The following CTNNA3 variants were observed in gnomAD, a reference collection of about 807,000 sequenced individuals.
The protein encoded by CTNNA3 is catenin alpha-3.
CTNNA3 carries 76 observed loss-of-function variants against 95.7 expected under a neutral mutation model. The ratio of observed to expected loss-of-function variants is 0.79; its 90% confidence interval spans 0.66 to 0.96. The LOEUF is 0.96. Among genes scored for constraint, CTNNA3 ranks in the 40% least tolerant of loss-of-function variants. CTNNA3 has a pLI of 0.00. For synonymous variants in CTNNA3, 431 were observed against 374.4 expected (o/e 1.15, Z -1.74); for missense variants, 1,191 against 1,089.8 (o/e 1.09, Z -1.31).
chr10:66,775,545 C>T, intron 7 of CTNNA3, 21 bp from the exon 8 acceptor site: 1 of 1,530,928 alleles, frequency 6.5e-7, no homozygotes, highest in Non-Finnish European at 9.0e-7. Flanking sequence ...GAAAAAACGA[C>T]ATAAGCAATG....
intron 11 of CTNNA3, among the ~76,000 whole-genome samples, chr10:66,380,150 T>C (rs2092825741): frequency 6.6e-6 from 1 of 152,070 alleles, no homozygotes; most frequent in African/African-American, 2.4e-5. Context: ...TATCATTAAT[T>C]CTCTTTCTCT....
intron 5 of CTNNA3, among the ~76,000 whole-genome samples, chr10:67,487,418 C>T (rs1019628710): frequency 1.2e-4 from 18 of 152,212 alleles, no homozygotes; most frequent in East Asian, 3.9e-4. Flanking sequence ...AGAGTGTGTA[C>T]GTGTGTGTCC....
At chr10:67,737,924 T>C (rs1480137716) in intron 1 of CTNNA3, among the ~76,000 whole-genome samples, 1 of 152,166 alleles carries the variant, frequency 6.6e-6, no homozygotes, top group East Asian at 1.9e-4. Flanking sequence ...CAAAGGAGTA[T>C]AAATCATGCT....
At chr10:67,259,759 G>A (rs1866519971) in intron 5 of CTNNA3, among the ~76,000 whole-genome samples, 1 of 152,096 alleles carries the variant, frequency 6.6e-6, no homozygotes, top group African/African-American at 2.4e-5. Context: ...CTCAGCTGCA[G>A]GATACCAGGT....
At chr10:66,809,297 T>C (rs945012008) in intron 7 of CTNNA3, among the ~76,000 whole-genome samples, 2 of 152,182 alleles carry the variant, frequency 1.3e-5, no homozygotes, top group African/African-American at 2.4e-5. Context: ...TCTAGGAACA[T>C]AGCATTTATT....
chr10:66,416,046 A>G (rs1412194208), intron 11 of CTNNA3, among the ~76,000 whole-genome samples: 2 of 152,220 alleles, frequency 1.3e-5, no homozygotes, highest in Non-Finnish European at 2.9e-5. Flanking sequence ...AATTCTAAAA[A>G]AACAAAACAA....
chr10:65,935,000 G>A (rs2077312975), intron 17 of CTNNA3, among the ~76,000 whole-genome samples: 1 of 152,086 alleles, frequency 6.6e-6, no homozygotes, highest in African/African-American at 2.4e-5. Context: ...AAGTAGCAGT[G>A]CCCAGTGTGT....
intron 6 of CTNNA3, among the ~76,000 whole-genome samples, chr10:67,188,319 A>C (rs976671484): frequency 3.9e-5 from 6 of 152,154 alleles, no homozygotes; most frequent in Admixed American, 2.6e-4. Flanking sequence ...AACATAGTGA[A>C]ACCCGTTTCT....
At chr10:66,454,620 G>A (rs1264691704) in intron 11 of CTNNA3, among the ~76,000 whole-genome samples, 2 of 127,594 alleles carry the variant, frequency 1.6e-5, no homozygotes, top group Non-Finnish European at 3.3e-5. Flanking sequence ...GTCATCTTTG[G>A]TGATGATGTC....
chr10:67,593,202 C>A (rs1481117500), intron 3 of CTNNA3, among the ~76,000 whole-genome samples: 7 of 152,134 alleles, frequency 4.6e-5, no homozygotes, highest in Admixed American at 4.6e-4. Context: ...GGTACATTTT[C>A]TTTATCCAAT....
chr10:66,341,575 T>C (rs185886397), intron 12 of CTNNA3, among the ~76,000 whole-genome samples: 1,803 of 152,088 alleles, frequency 0.012, 25 homozygotes, highest in Non-Finnish European at 0.018. Flanking sequence ...GCAGAAATAA[T>C]GGACATAGTA....
rs115995577 is a variant in CTNNA3, at chr10:67,455,889, A to G, written c.579+65953T>C. On this transcript the variant is annotated intron_variant, in intron 5 of 17. Coordinates refer to ENST00000433211, the MANE Select transcript of CTNNA3 (RefSeq NM_013266.4). The stretch of plus-strand genomic sequence containing the variant: ...TAAAGGAAAAATTAGGGAAATCTGA[A>G]TAAAATGTAGAGTTTAGTTAGCAAT... Among the ~76,000 whole-genome samples, 996 of 152,292 alleles carry G rather than the reference A, an allele frequency of 6.5e-3. 16 individuals carry two copies. The highest frequency in any genetic ancestry group is 0.023 in the African/African-American group (941 of 41,568).
In CTNNA3 at chr10:67,636,069, T is replaced by C. The variant is rs143413473; in HGVS notation, c.99+11346A>G. Among the ~76,000 whole-genome samples, 1,509 of 152,162 alleles carry C rather than the reference T, an allele frequency of 9.9e-3. 29 individuals are homozygous for C. The highest frequency in any genetic ancestry group is 0.035 in the African/African-American group (1,437 of 41,518). On this transcript the variant is annotated intron_variant, in intron 2 of 17. Transcript: ENST00000433211. ...TCATGAATGAACTCCCAATTATGAT[T>C]GCTACAAAAATAATAAAAGATCTAA...
intron 7 of CTNNA3, among the ~76,000 whole-genome samples, chr10:66,853,404 A>C (rs183986942): frequency 1.3e-3 from 198 of 152,266 alleles, no homozygotes; most frequent in African/African-American, 4.7e-3. Flanking sequence ...GCAATTAGTC[A>C]ATTGGAACAT....
At chr10:67,223,647 A>G (rs1169725838) in intron 5 of CTNNA3, among the ~76,000 whole-genome samples, 1 of 152,242 alleles carries the variant, frequency 6.6e-6, no homozygotes, top group Non-Finnish European at 1.5e-5. Flanking sequence ...CAAGAGAACA[A>G]AATATATTTA....
chr10:66,582,449 T>G (rs1445167786), intron 10 of CTNNA3, among the ~76,000 whole-genome samples: 1 of 151,818 alleles, frequency 6.6e-6, no homozygotes, highest in Non-Finnish European at 1.5e-5. Flanking sequence ...TTGGTTGTTG[T>G]TGATGTATAG....
chr10:66,951,677 C>A (rs897557539), intron 7 of CTNNA3, among the ~76,000 whole-genome samples: 6 of 152,112 alleles, frequency 3.9e-5, no homozygotes, highest in Admixed American at 3.9e-4. Context: ...CTCCATTAAT[C>A]CTGAATGTGA....
intron 2 of CTNNA3, 148 bp from the exon 3 acceptor site, chr10:67,607,197 T>A (rs1414280510): frequency 1.7e-6 from 1 of 594,830 alleles, no homozygotes. Context: ...CAGTTGAAAA[T>A]CTGAGTATAA....
Position 65,974,279 on chromosome 10 carries a change from G to T in CTNNA3, c.2266-7533C>A, listed in dbSNP as rs541498532. On this transcript the variant is annotated intron_variant, in intron 16 of 17. Transcript: ENST00000433211. ...GAAAATAAATTGTTCTACCCAAAAAGACACTTGCATTCATATGTTCATTGC... is the reference window on the plus strand; with the variant it reads ...GAAAATAAATTGTTCTACCCAAAAATACACTTGCATTCATATGTTCATTGC... 2.0e-5 allele frequency among the ~76,000 whole-genome samples: 3 copies of T among 152,234 alleles called. No individual in the cohort carries two copies. In the East Asian group the frequency reaches 5.8e-4, roughly 29 times the overall value.
Sources: allele counts gnomAD v4.1 joint callset (sites outside exome capture counted in the v4.1 genomes callset), GRCh38; gene constraint gnomAD v4.1.1; transcripts MANE v1.5; gene names NCBI Gene and HGNC (gene_info 2026-07-23, HGNC 2026-07-21).